Variants in CCT6B observed in about 807,000 individuals in gnomAD.
CCT6B encodes chaperonin containing TCP1 subunit 6B.
CCT6B carries 49 observed loss-of-function variants against 61.5 expected under a neutral mutation model. That is an observed-to-expected ratio of 0.80 (90% CI 0.63 to 1.01). The LOEUF is 1.01. Among genes scored for constraint, CCT6B ranks in the 50% least tolerant of loss-of-function variants. CCT6B has a pLI of 0.00. For synonymous variants in CCT6B, 228 were observed against 214.5 expected (o/e 1.06, Z -0.55); for missense variants, 666 against 634.7 (o/e 1.05, Z -0.53).
intron 10 of CCT6B, among the ~76,000 whole-genome samples, chr17:34,933,462 T>G (rs2090058989): frequency 6.6e-6 from 1 of 152,190 alleles, no homozygotes; most frequent in African/African-American, 2.4e-5. Context: ...TACTACCCCC[T>G]TTCACTGCTT....
intron 5 of CCT6B, among the ~76,000 whole-genome samples, chr17:34,950,248 G>A (rs1461837547): frequency 3.3e-5 from 5 of 152,164 alleles, no homozygotes; most frequent in Admixed American, 2.6e-4. Flanking sequence ...CTTAAGTACT[G>A]TATTCAAAAG....
chr17:34,931,693 C>A (rs2090038259), intron 11 of CCT6B, among the ~76,000 whole-genome samples: 1 of 152,102 alleles, frequency 6.6e-6, no homozygotes, highest in Admixed American at 6.6e-5. Context: ...ATCTAATTCA[C>A]AAAGATTTCA....
At chr17:34,949,898 C>T (rs2090272136) in intron 5 of CCT6B, among the ~76,000 whole-genome samples, 1 of 152,166 alleles carries the variant, frequency 6.6e-6, no homozygotes, top group African/African-American at 2.4e-5. Flanking sequence ...TAACAGGATA[C>T]CTTGATCTTA....
intron 10 of CCT6B, among the ~76,000 whole-genome samples, chr17:34,937,558 C>T (rs1416599539): frequency 6.6e-6 from 1 of 152,040 alleles, no homozygotes; most frequent in African/African-American, 2.4e-5. Context: ...GCACCATATA[C>T]AAAATTTAAC....
At chr17:34,951,099 G>A (rs1011582674) in intron 5 of CCT6B, among the ~76,000 whole-genome samples, 1 of 152,056 alleles carries the variant, frequency 6.6e-6, no homozygotes. Context: ...GAGACTAAAA[G>A]AGATATCACC....
chr17:34,945,541 T>G (rs2090214093), intron 5 of CCT6B, among the ~76,000 whole-genome samples: 1 of 152,174 alleles, frequency 6.6e-6, no homozygotes, highest in East Asian at 1.9e-4. Context: ...CTATTGCCCT[T>G]TCCTTCTAAG....
At position 34,959,516 on chromosome 17, in the gene CCT6B, G is replaced by C. The variant is rs563028863; in HGVS notation, c.201+71C>G. 710 of 1,095,736 alleles carry C rather than the reference G, an allele frequency of 6.5e-4. 6 individuals are homozygous for C. In the South Asian group the frequency reaches 8.3e-3, roughly 13 times the overall value. The allele number at this position is 1,095,736 out of a possible 1,614,324, so 67.9% of individuals were successfully genotyped here. ...ATTTAGCTCACAGCCTTGGCTTAAA[G>C]ATACACAAGTTCTACTATGCTTCTA... On this transcript the variant is annotated intron_variant, in intron 2 of 13. Coordinates refer to ENST00000314144, the MANE Select transcript of CCT6B (RefSeq NM_006584.4).
At position 34,952,189 on chromosome 17, in the gene CCT6B, A is replaced by T. The variant is rs1042209022; in HGVS notation, c.511-136T>A. On this transcript the variant is annotated intron_variant, in intron 4 of 13. Transcript: ENST00000314144. Reference sequence around the variant, plus strand: ...ACCTAGGGCAAGACCAATATGTGCCACTTTACTATGGATGCTAACAATAGC... The same window carrying T: ...ACCTAGGGCAAGACCAATATGTGCCTCTTTACTATGGATGCTAACAATAGC... The T allele has an allele frequency of 3.9e-5, 21 of 538,618 alleles. No individual in the cohort carries two copies. In the African/African-American group the frequency reaches 4.1e-4, roughly 10 times the overall value. The allele number at this position is 538,618 out of a possible 1,614,324, so 33.4% of individuals were successfully genotyped here.
At position 34,932,484 on chromosome 17, in the gene CCT6B, T is replaced by C. The variant is rs751454290; in HGVS notation, c.1230A>G (p.Gly410=). ...NAIEDGCMVP[G]AGAIEVAMAE... ...CCATTGCCACTTCAATTGCACCAGCTCCAGGAACCATACAACCTATTGGAG... is the reference window on the plus strand; with the variant it reads ...CCATTGCCACTTCAATTGCACCAGCCCCAGGAACCATACAACCTATTGGAG... The change falls in exon 11 of 14, where the codon GGA becomes GGG. Residue 410 remains glycine (G), a synonymous_variant. Coordinates refer to ENST00000314144, the MANE Select transcript of CCT6B (RefSeq NM_006584.4). The C allele has an allele frequency of 7.5e-6, 12 of 1,610,324 alleles. No homozygotes were observed. In the South Asian group the frequency reaches 1.2e-4, roughly 16 times the overall value.
chr17:34,938,271 G>A lies in CCT6B; in HGVS notation c.1213+912C>T, dbSNP rs187901947. ...CAAAGGGCAAATAAACACATTAAAA[G>A]ATGCTCAACATGGGCTGAATGTGGT... On this transcript the variant is annotated intron_variant, in intron 10 of 13. Coordinates refer to ENST00000314144, the MANE Select transcript of CCT6B (RefSeq NM_006584.4). Among the ~76,000 whole-genome samples the A allele has an allele frequency of 3.1e-3, 470 of 152,252 alleles. 3 individuals carry two copies. The highest frequency in any genetic ancestry group is 5.2e-3 in the Non-Finnish European group (352 of 68,016).
intron 10 of CCT6B, among the ~76,000 whole-genome samples, chr17:34,932,991 A>G (rs1233848389): frequency 6.6e-6 from 1 of 152,176 alleles, no homozygotes; most frequent in Non-Finnish European, 1.5e-5. Context: ...CACGTTGGCC[A>G]GGCTGGTCTT....
chr17:34,951,768 C>G (rs1482397298), intron 5 of CCT6B, among the ~76,000 whole-genome samples, 182 bp downstream of exon 5: 1 of 152,150 alleles, frequency 6.6e-6, no homozygotes, highest in East Asian at 1.9e-4. Context: ...CAATTAGAAA[C>G]ATAAACTTCT....
At chr17:34,956,672 G>A (rs1403129487) in intron 3 of CCT6B, among the ~76,000 whole-genome samples, 1 of 152,138 alleles carries the variant, frequency 6.6e-6, no homozygotes, top group Non-Finnish European at 1.5e-5. Flanking sequence ...ACTGGCTTGG[G>A]ATGGACATAA....
chr17:34,949,594 A>AT (rs2090269075), intron 5 of CCT6B: 1 of 152,138 alleles, frequency 6.6e-6, no homozygotes, highest in African/African-American at 2.4e-5. Flanking sequence ...ACATGTAAAG[A>AT]TTTTTTAAAT....
At chr17:34,928,147 G>C in intron 13 of CCT6B, 30 bp from the exon 14 acceptor site, 1 of 1,464,810 alleles carries the variant, frequency 6.8e-7, no homozygotes, top group East Asian at 2.3e-5. Context: ...GGTGAGTAAA[G>C]CCTACTAACC....
rs766594391 is a variant in CCT6B, at chr17:34,958,613, T to C, written c.283A>G (p.Asn95Asp). The C allele has an allele frequency of 1.9e-6, 3 of 1,599,596 alleles. No individual in the cohort carries two copies. Among genetic ancestry groups the C allele is most frequent in the Admixed American group, 1.7e-5 (1 of 58,792 alleles). The change falls in exon 3 of 14, where the codon AAT becomes GAT. Residue 95 changes from asparagine to aspartate, a missense_variant. Coordinates refer to ENST00000314144, the MANE Select transcript of CCT6B (RefSeq NM_006584.4). ...AATAACTCTCCAATAATTAGAACAT[T>C]TGAAGTAGTACCATCTCCTGTGACG... is the stretch of plus-strand genomic sequence containing the variant. ...DDVTGDGTTS[N>D]VLIIGELLKQ...
At position 34,942,733 on chromosome 17, in the gene CCT6B, A is replaced by G. The variant is rs2090179509; in HGVS notation, c.725+63T>C. The stretch of plus-strand genomic sequence containing the variant: ...CTACACCAAACATCTGGAAGGAAAA[A>G]GAGATTTTAAAACACCTTTAGAAAA... On this transcript the variant is annotated intron_variant, in intron 6 of 13. Transcript: ENST00000314144. 2.0e-6 allele frequency: 3 copies of G among 1,495,120 alleles called. No homozygotes were observed. The Admixed American group carries it at 6.0e-5, about 30-fold the overall frequency. 92.6% of individuals were successfully genotyped at this position (1,495,120 alleles called of 1,614,324 possible). A position where few individuals can be genotyped will look rare whatever the true frequency, so the allele number is the denominator to read the frequency against.
At chr17:34,929,476 T>C (rs1378460948) in intron 12 of CCT6B, among the ~76,000 whole-genome samples, 1 of 147,614 alleles carries the variant, frequency 6.8e-6, no homozygotes, top group African/African-American at 2.5e-5. Flanking sequence ...GGTGTTTTTG[T>C]TTTTTGTTTT....
At chr17:34,958,445 AAATTAATT>A in intron 3 of CCT6B, 107 bp downstream of exon 3, 1 of 592,586 alleles carries the variant, frequency 1.7e-6, no homozygotes, top group Non-Finnish European at 2.5e-6. Context: ...CTCCATCTCA[AAATTAATT>A]AATTAATTAA....
Sources: allele counts gnomAD v4.1 joint callset (sites outside exome capture counted in the v4.1 genomes callset), GRCh38; gene constraint gnomAD v4.1.1; transcripts MANE v1.5; gene names NCBI Gene and HGNC (gene_info 2026-07-23, HGNC 2026-07-21).